Variants in MID1 observed in about 807,000 individuals in gnomAD.
The protein encoded by MID1 is midline 1, also known as E3 ubiquitin-protein ligase Midline-1.
Under a neutral mutation model 40.4 loss-of-function variants are expected in MID1, and 7 were observed. That is an observed-to-expected ratio of 0.17 (90% CI 0.10 to 0.33). The LOEUF is 0.33. MID1 is among the 10% of genes least tolerant of loss of function. The pLI is 1.00. For synonymous variants in MID1, 229 were observed against 221.2 expected (o/e 1.04, Z -0.31); for missense variants, 367 against 558.5 (o/e 0.66, Z 3.46).
chrX:10,514,448 T>C (rs759339548), intron 3 of MID1, among the ~76,000 whole-genome samples: 1 of 112,039 alleles, frequency 8.9e-6, no homozygotes, highest in East Asian at 2.8e-4. Flanking sequence ...CAATGCCTGT[T>C]ATGAATCAAA....
intron 1 of MID1, among the ~76,000 whole-genome samples, chrX:10,805,842 T>C (rs1443348519): frequency 2.8e-5 from 3 of 108,625 alleles, no homozygotes; most frequent in African/African-American, 1.0e-4. Context: ...CATTTTTTCA[T>C]GTGTTTTTTG....
At chrX:10,465,200 TATATATATATATATACAC>T (rs1929276538) in intron 7 of MID1, among the ~76,000 whole-genome samples, 1 of 65,225 alleles carries the variant, frequency 1.5e-5, no homozygotes. Context: ...TATATATATA[TATATATATATATATACAC>T]ACACACACAC....
Position 10,449,531 on chromosome X carries a change from G to A in MID1, c.1841C>T (p.Ser614Phe), listed in dbSNP as rs767500744. The A allele has an allele frequency of 2.5e-5, 30 of 1,210,228 alleles. No individual in the cohort carries two copies. In the Middle Eastern group the frequency reaches 1.6e-3, roughly 65 times the overall value. The change falls in exon 10 of 10, where the codon TCT becomes TTT. Residue 614 changes from serine to phenylalanine, a missense_variant. Transcript: ENST00000317552. ...GTTCAAAGCATCATAAAAGGCGATA[G>A]AGCCGTTATCATAGTCCAGCAGGAT... ...VGILLDYDNG[S>F]IAFYDALNSI...
intron 1 of MID1, among the ~76,000 whole-genome samples, chrX:10,739,122 G>A (rs985478621): frequency 1.8e-5 from 2 of 111,895 alleles, no homozygotes; most frequent in African/African-American, 6.5e-5. Flanking sequence ...AGAAAACCTG[G>A]TGTGTGTTGA....
chrX:10,546,752 TGA>T (rs1415932424), intron 2 of MID1, among the ~76,000 whole-genome samples: 2 of 111,930 alleles, frequency 1.8e-5, no homozygotes, highest in Non-Finnish European at 3.8e-5. Context: ...GACTCCCCAC[TGA>T]GACTCAAGAA....
At chrX:10,715,077 G>A (rs2043291593) in intron 1 of MID1, among the ~76,000 whole-genome samples, 1 of 112,046 alleles carries the variant, frequency 8.9e-6, no homozygotes, top group Non-Finnish European at 1.9e-5. Flanking sequence ...GAGCCAAGAT[G>A]GCCAAATAGG....
intron 1 of MID1, among the ~76,000 whole-genome samples, chrX:10,728,666 G>C (rs967502861): frequency 6.3e-5 from 7 of 111,970 alleles, no homozygotes; most frequent in African/African-American, 3.2e-5. Flanking sequence ...GGAGATGTTT[G>C]TGCAGCACAT....
intron 1 of MID1, among the ~76,000 whole-genome samples, chrX:10,737,149 A>G (rs747557283): frequency 9.8e-5 from 11 of 112,372 alleles, no homozygotes; most frequent in Non-Finnish European, 2.1e-4. Flanking sequence ...TTCTCAATCA[A>G]GAAGTTAGAA....
chrX:10,589,694 C>G (rs1166708296), intron 1 of MID1: 2 of 110,801 alleles, frequency 1.8e-5, no homozygotes, highest in Admixed American at 1.9e-4. Context: ...AGGCGTCCCA[C>G]CTGGGCAAAT....
intron 1 of MID1, among the ~76,000 whole-genome samples, chrX:10,605,358 A>G (rs58343673): frequency 0.023 from 2,593 of 111,955 alleles, 91 homozygotes; most frequent in African/African-American, 0.08. Context: ...CAGACTTTAA[A>G]TGAAGTCACC....
At chrX:10,819,222 TGAGAGA>T (rs367912071) in intron 1 of MID1, among the ~76,000 whole-genome samples, 3 of 101,880 alleles carry the variant, frequency 2.9e-5, no homozygotes, top group Admixed American at 1.1e-4. Context: ...ACAGAGACAG[TGAGAGA>T]GAGAGAGAGA....
chrX:10,669,425 C>G (rs925385831), intron 1 of MID1, among the ~76,000 whole-genome samples: 4 of 110,903 alleles, frequency 3.6e-5, no homozygotes, highest in African/African-American at 1.3e-4. Flanking sequence ...GCTATTTTCC[C>G]ATGCCCCAAG....
intron 1 of MID1, among the ~76,000 whole-genome samples, chrX:10,629,352 C>T (rs1442436574): frequency 9.1e-6 from 1 of 110,034 alleles, no homozygotes; most frequent in African/African-American, 3.4e-5. Flanking sequence ...TGAGTGCCAC[C>T]ATGCCTGGCT....
intron 1 of MID1, among the ~76,000 whole-genome samples, chrX:10,798,309 G>A (rs1230442768): frequency 8.9e-6 from 1 of 111,865 alleles, no homozygotes; most frequent in Non-Finnish European, 1.9e-5. Context: ...CCTTGTCCAC[G>A]TGACTGGGAG....
intron 1 of MID1, among the ~76,000 whole-genome samples, chrX:10,619,058 G>A (rs1935888185): frequency 1.8e-5 from 2 of 111,589 alleles, no homozygotes; most frequent in Admixed American, 1.9e-4. Context: ...GACGGCACTT[G>A]CTCCTCCGCA....
chrX:10,507,656 G>A (rs1348508874), intron 3 of MID1, among the ~76,000 whole-genome samples: 1 of 112,396 alleles, frequency 8.9e-6, no homozygotes, highest in Non-Finnish European at 1.9e-5. Flanking sequence ...TGGAGGTTAT[G>A]CCTGACATAT....
chrX:10,651,798 A>T (rs1447268159), intron 1 of MID1, among the ~76,000 whole-genome samples: 3 of 110,406 alleles, frequency 2.7e-5, no homozygotes, highest in Non-Finnish European at 3.8e-5. Flanking sequence ...GCTAATTAAA[A>T]TTTTTTTTCA....
At chrX:10,510,233 A>G (rs761571984) in intron 3 of MID1, among the ~76,000 whole-genome samples, 6 of 111,628 alleles carry the variant, frequency 5.4e-5, no homozygotes, top group Admixed American at 9.5e-5. Flanking sequence ...ATGCAAGGAA[A>G]TGCATAGATC....
intron 2 of MID1, among the ~76,000 whole-genome samples, chrX:10,558,483 G>A (rs1364410908): frequency 2.7e-5 from 3 of 113,003 alleles, no homozygotes; most frequent in Admixed American, 1.9e-4. Flanking sequence ...TAATTGTCAC[G>A]TCTCTGCCCT....
Sources: allele counts gnomAD v4.1 joint callset (sites outside exome capture counted in the v4.1 genomes callset), GRCh38; gene constraint gnomAD v4.1.1; transcripts MANE v1.5; gene names NCBI Gene and HGNC (gene_info 2026-07-23, HGNC 2026-07-21).